The following PPTC7 variants were observed in gnomAD, a reference collection of about 807,000 sequenced individuals.
PPTC7 encodes protein phosphatase PTC7 homolog.
A neutral mutation model predicts 30.8 loss-of-function variants in PPTC7; 6 were observed. The observed-to-expected ratio is 0.19, with a 90% CI of 0.11 to 0.38. The LOEUF (loss-of-function observed/expected upper bound fraction) is 0.38, where lower values mean the gene tolerates loss of function less well. Ranked by LOEUF, PPTC7 falls within the 10% of genes least tolerant of loss-of-function variation. The pLI is 1.00. For synonymous variants in PPTC7, 163 were observed against 168.1 expected (o/e 0.97, Z 0.23); for missense variants, 218 against 404.8 (o/e 0.54, Z 3.96).
intron 1 of PPTC7, among the ~76,000 whole-genome samples, chr12:110,554,515 T>A (rs552904027): frequency 6.6e-6 from 1 of 152,202 alleles, no homozygotes; most frequent in Non-Finnish European, 1.5e-5. Flanking sequence ...ATTAGGAAAT[T>A]TAAAATTACA....
chr12:110,537,532 G>A (rs1200560990), intron 5 of PPTC7, among the ~76,000 whole-genome samples: 1 of 152,124 alleles, frequency 6.6e-6, no homozygotes, highest in African/African-American at 2.4e-5. Context: ...TTTTTTGGAG[G>A]ACTAAGAAAT....
intron 2 of PPTC7, 70 bp downstream of exon 2, chr12:110,551,719 A>T: frequency 7.2e-7 from 1 of 1,392,534 alleles, no homozygotes; most frequent in Non-Finnish European, 9.9e-7. Context: ...CCGATAAATG[A>T]TTTTCTTGGT....
At chr12:110,546,187 G>T in intron 2 of PPTC7, 109 bp from the exon 3 acceptor site, 2 of 831,724 alleles carry the variant, frequency 2.4e-6, no homozygotes, top group Non-Finnish European at 3.9e-6. Flanking sequence ...AATCTCCTTT[G>T]CCTAAACAGG....
chr12:110,566,773 G>T (rs2064487374), intron 1 of PPTC7, among the ~76,000 whole-genome samples: 1 of 152,124 alleles, frequency 6.6e-6, no homozygotes, highest in East Asian at 1.9e-4. Context: ...AAGATAAGTA[G>T]TCCATTCAGC....
chr12:110,548,213 T>A (rs142994345), intron 2 of PPTC7, among the ~76,000 whole-genome samples: 1 of 152,276 alleles, frequency 6.6e-6, no homozygotes, highest in Non-Finnish European at 1.5e-5. Context: ...CATTATTCTA[T>A]GCACACATAC....
intron 2 of PPTC7, among the ~76,000 whole-genome samples, chr12:110,549,428 A>G (rs373825133): frequency 1.3e-5 from 2 of 152,302 alleles, no homozygotes; most frequent in South Asian, 2.1e-4. Context: ...ATGATTTACA[A>G]TTATATCTAG....
intron 1 of PPTC7, among the ~76,000 whole-genome samples, chr12:110,578,933 G>A (rs2064612621): frequency 6.6e-6 from 1 of 152,122 alleles, no homozygotes; most frequent in African/African-American, 2.4e-5. Flanking sequence ...ATGACATGAG[G>A]TCAGGAGTTC....
intron 2 of PPTC7, among the ~76,000 whole-genome samples, chr12:110,551,139 C>T (rs2064347144): frequency 6.6e-6 from 1 of 152,178 alleles, no homozygotes; most frequent in South Asian, 2.1e-4. Flanking sequence ...CAGTTCTCTG[C>T]TATTGGCAAC....
intron 4 of PPTC7, among the ~76,000 whole-genome samples, chr12:110,539,032 CTG>C (rs2064237991): frequency 1.3e-5 from 2 of 151,858 alleles, no homozygotes; most frequent in African/African-American, 4.8e-5. Flanking sequence ...CTGCTCACCA[CTG>C]TGTCACCACA....
chr12:110,547,145 ATTAC>A (rs2064313089), intron 2 of PPTC7, among the ~76,000 whole-genome samples: 1 of 152,254 alleles, frequency 6.6e-6, no homozygotes, highest in South Asian at 2.1e-4. Flanking sequence ...GTACAAAAAT[ATTAC>A]TTAAGATGAG....
intron 4 of PPTC7, among the ~76,000 whole-genome samples, chr12:110,539,333 G>A (rs1300738437): frequency 6.6e-6 from 1 of 152,192 alleles, no homozygotes; most frequent in Non-Finnish European, 1.5e-5. Context: ...ATTTTTCCCA[G>A]AGTATGTTCA....
chr12:110,570,263 G>A lies in PPTC7; in HGVS notation c.223+12546C>T, dbSNP rs544351846. Among the ~76,000 whole-genome samples the A allele has an allele frequency of 2.1e-4, 28 of 135,684 alleles. No homozygotes were observed. In the South Asian group the frequency reaches 7.3e-3, roughly 35 times the overall value. The allele number at this position is 135,684 out of a possible 152,430, so 89.0% of individuals were successfully genotyped here. On this transcript the variant is annotated intron_variant, in intron 1 of 5. Transcript: ENST00000354300. ...GATGTGCTTTGTTAAACAGATGCTTGAAGGCAGCATGCTCCTTAAGAGTCA... is the reference window on the plus strand; with the variant it reads ...GATGTGCTTTGTTAAACAGATGCTTAAAGGCAGCATGCTCCTTAAGAGTCA...
At chr12:110,540,310 T>TTCCCCC (rs2064248339) in intron 3 of PPTC7, among the ~76,000 whole-genome samples, 1 of 104,392 alleles carries the variant, frequency 9.6e-6, no homozygotes, top group African/African-American at 3.8e-5. Flanking sequence ...CCGAATTCCA[T>TTCCCCC]CCCCCCCCGC....
At chr12:110,555,207 T>C (rs757089739) in intron 1 of PPTC7, among the ~76,000 whole-genome samples, 3 of 152,290 alleles carry the variant, frequency 2.0e-5, no homozygotes, top group South Asian at 2.1e-4. Flanking sequence ...GAAACAGAAT[T>C]GGAAGACATA....
At chr12:110,550,891 A>G (rs559075814) in intron 2 of PPTC7, among the ~76,000 whole-genome samples, 2 of 152,170 alleles carry the variant, frequency 1.3e-5, no homozygotes, top group Non-Finnish European at 2.9e-5. Context: ...AGGCCAGACC[A>G]TTTCTTTTCT....
intron 1 of PPTC7, among the ~76,000 whole-genome samples, chr12:110,570,879 A>C (rs1418479059): frequency 6.6e-6 from 1 of 151,988 alleles, no homozygotes; most frequent in Non-Finnish European, 1.5e-5. Flanking sequence ...CATATGCTGA[A>C]CGCTGGTTCC....
chr12:110,580,825 C>T (rs2064630957), intron 1 of PPTC7, among the ~76,000 whole-genome samples: 1 of 152,076 alleles, frequency 6.6e-6, no homozygotes, highest in Non-Finnish European at 1.5e-5. Flanking sequence ...GATCTTGGCT[C>T]ACTGAAGCCT....
At chr12:110,552,286 T>C (rs367755142) in intron 1 of PPTC7, among the ~76,000 whole-genome samples, 2 of 152,228 alleles carry the variant, frequency 1.3e-5, no homozygotes, top group East Asian at 1.9e-4. Flanking sequence ...CATTAATACT[T>C]TGTCTTTTAT....
At chr12:110,554,201 G>A (rs144873359) in intron 1 of PPTC7, among the ~76,000 whole-genome samples, 3 of 152,282 alleles carry the variant, frequency 2.0e-5, no homozygotes, top group Non-Finnish European at 2.9e-5. Flanking sequence ...AGAGACAGTG[G>A]CTTGTTCTGT....
Sources: allele counts gnomAD v4.1 joint callset (sites outside exome capture counted in the v4.1 genomes callset), GRCh38; gene constraint gnomAD v4.1.1; transcripts MANE v1.5; gene names NCBI Gene and HGNC (gene_info 2026-07-23, HGNC 2026-07-21).